Variants in KBTBD2 observed in about 807,000 individuals in gnomAD.
KBTBD2 encodes the protein kelch repeat and BTB domain containing 2, also known as kelch repeat and BTB domain-containing protein 2.
A neutral mutation model predicts 57.1 loss-of-function variants in KBTBD2; 17 were observed. The ratio of observed to expected loss-of-function variants is 0.30; its 90% CI spans 0.20 to 0.45. KBTBD2 has a LOEUF of 0.45. Ranked by LOEUF, KBTBD2 falls within the 20% of genes least tolerant of loss-of-function variation. The pLI, the probability that KBTBD2 is intolerant of heterozygous loss-of-function variation, is 1.00. For missense variants in KBTBD2, 515 were observed against 750.6 expected (o/e 0.69, Z 3.67); for synonymous variants, 267 against 262.7 (o/e 1.02, Z -0.16).
At position 32,879,464 on chromosome 7, in the gene KBTBD2, C is replaced by A; in HGVS notation, c.141G>T (p.Met47Ile). The A allele has an allele frequency of 1.2e-6, 2 of 1,612,112 alleles. No individual in the cohort carries two copies. The highest frequency in any genetic ancestry group is 1.7e-6 in the Non-Finnish European group (2 of 1,178,682). The change falls in exon 2 of 4, where the codon ATG becomes ATT. Residue 47 changes from methionine (M) to isoleucine (I), a missense_variant. Coordinates refer to ENST00000304056, the MANE Select transcript of KBTBD2 (RefSeq NM_015483.3). ...VEGTEFPCHKMVLATCSSYFR... is the reference protein window; with the variant it reads ...VEGTEFPCHKIVLATCSSYFR... ...AATAAGAGCTACATGTTGCAAGAAC[C>A]ATCTTATGACAAGGGAATTCAGTGC... is the stretch of plus-strand genomic sequence containing the variant.
rs1048889011 is a variant in KBTBD2, at chr7:32,891,604, G to A, written c.-407C>T. On this transcript the variant is annotated 5_prime_UTR_variant, in exon 1 of 4. Coordinates refer to ENST00000304056, the MANE Select transcript of KBTBD2 (RefSeq NM_015483.3). ...GGCCCCGTCCACACTGGGCCCCTCCGGCGCGGCGGCGGGGGCGTGGCCCTC... is the reference window on the plus strand; with the variant it reads ...GGCCCCGTCCACACTGGGCCCCTCCAGCGCGGCGGCGGGGGCGTGGCCCTC... The A allele has an allele frequency of 6.7e-6, 1 of 149,572 alleles. No individual in the cohort carries two copies. Among genetic ancestry groups the A allele is most frequent in the Non-Finnish European group, 1.5e-5 (1 of 67,074 alleles). 9.3% of individuals were successfully genotyped at this position (149,572 alleles called of 1,614,324 possible).
At chr7:32,876,983 C>G (rs1383375689) in intron 2 of KBTBD2, among the ~76,000 whole-genome samples, 1 of 152,002 alleles carries the variant, frequency 6.6e-6, no homozygotes, top group Non-Finnish European at 1.5e-5. Flanking sequence ...AACAGACAAA[C>G]AAAACCCACT....
intron 1 of KBTBD2, among the ~76,000 whole-genome samples, chr7:32,886,147 T>C (rs1784576403): frequency 6.6e-6 from 1 of 152,090 alleles, no homozygotes; most frequent in East Asian, 1.9e-4. Flanking sequence ...TGACCTCAGG[T>C]GATCTGCCTG....
intron 1 of KBTBD2, among the ~76,000 whole-genome samples, chr7:32,887,422 G>A (rs1412720654): frequency 1.3e-5 from 2 of 152,108 alleles, no homozygotes; most frequent in African/African-American, 2.4e-5. Flanking sequence ...TACATGAGGT[G>A]ACAGATGTAA....
chr7:32,869,134 GAATA>G lies in KBTBD2; in HGVS notation c.*207_*210del. 1 of 473,590 alleles carries G rather than the reference GAATA, an allele frequency of 2.1e-6. No individual in the cohort carries two copies. The highest frequency in any genetic ancestry group is 3.5e-5 in the East Asian group (1 of 28,422). 29.3% of individuals were successfully genotyped at this position (473,590 alleles called of 1,614,324 possible). A position where few individuals can be genotyped will look rare whatever the true frequency, so the allele number is the denominator to read the frequency against. On this transcript the variant is annotated 3_prime_UTR_variant, in exon 4 of 4. Coordinates refer to ENST00000304056, the MANE Select transcript of KBTBD2 (RefSeq NM_015483.3). ...TTACACATAAAGTTTCTCAATTATT[GAATA>G]ATCTATTTCATATTATGGAAGCATA...
chr7:32,878,163 A>G (rs1784359764), intron 2 of KBTBD2, among the ~76,000 whole-genome samples: 1 of 152,006 alleles, frequency 6.6e-6, no homozygotes, highest in Non-Finnish European at 1.5e-5. Flanking sequence ...CTGGTGTTTG[A>G]GCCTTAGCTT....
At chr7:32,875,744 A>G (rs1784297500) in intron 2 of KBTBD2, among the ~76,000 whole-genome samples, 1 of 152,234 alleles carries the variant, frequency 6.6e-6, no homozygotes, top group African/African-American at 2.4e-5. Context: ...ATATACTTTA[A>G]CATAAATGAA....
chr7:32,890,669 A>G (rs1002337362), intron 1 of KBTBD2, among the ~76,000 whole-genome samples: 4 of 152,228 alleles, frequency 2.6e-5, no homozygotes, highest in African/African-American at 9.6e-5. Context: ...CTACGTCTTC[A>G]TAAGGCTAAT....
chr7:32,889,543 G>A (rs1166201649), intron 1 of KBTBD2, among the ~76,000 whole-genome samples: 3 of 152,284 alleles, frequency 2.0e-5, no homozygotes, highest in Non-Finnish European at 4.4e-5. Flanking sequence ...GGAGGTTGCA[G>A]TGAGCCGAGA....
chr7:32,891,874 GC>G (rs1314134112), upstream of KBTBD2: 13 of 94,262 alleles, frequency 1.4e-4, no homozygotes, highest in Non-Finnish European at 8.2e-5. Context: ...GAGACGCCGG[GC>G]CCGCCGCCCC....
chr7:32,890,090 C>T (rs921910869), intron 1 of KBTBD2, among the ~76,000 whole-genome samples: 20 of 111,950 alleles, frequency 1.8e-4, no homozygotes, highest in African/African-American at 2.5e-4. Context: ...TTACAGCACT[C>T]ATAAAGTCTT....
chr7:32,883,363 G>C (rs1361326798), intron 1 of KBTBD2, among the ~76,000 whole-genome samples: 1 of 152,034 alleles, frequency 6.6e-6, no homozygotes. Flanking sequence ...TTCCAGCCTG[G>C]GCAACACAGC....
At chr7:32,874,401 AAAAAATAAATAAAT>A (rs1382065493) in intron 3 of KBTBD2, 4 of 151,778 alleles carry the variant, frequency 2.6e-5, no homozygotes, top group African/African-American at 7.3e-5. Flanking sequence ...CTCCGTCTCA[AAAAAATAAATAAAT>A]AAAAATAAAT....
At chr7:32,891,893 C>CCCGCCGCCCCCG (rs1368264288), upstream of KBTBD2, 213 of 110,744 alleles carry the variant, frequency 1.9e-3, 4 homozygotes, top group East Asian at 0.022. Context: ...CCCCGCCGCC[C>CCCGCCGCCCCCG]CCGCCCCCGC....
At chr7:32,874,809 T>C in intron 3 of KBTBD2, 183 bp downstream of exon 3, 2 of 467,334 alleles carry the variant, frequency 4.3e-6, no homozygotes, top group South Asian at 2.7e-5. Context: ...CTGACCAACA[T>C]GGTGAAACCC....
intron 3 of KBTBD2, 89 bp downstream of exon 3, chr7:32,874,903 G>A (rs1477496942): frequency 1.3e-5 from 13 of 1,028,758 alleles, no homozygotes; most frequent in Admixed American, 6.6e-5. Flanking sequence ...CCTGGGAGGC[G>A]GAGGTTGCAG....
At position 32,869,957 on chromosome 7, in the gene KBTBD2, T is replaced by C. The variant is rs746313487; in HGVS notation, c.1260A>G (p.Gln420=). ...TMVSPLPCAW[Q]WSAAVVVHDC... Reference sequence around the variant, plus strand: ...CATGAACCACAACTGCTGCACTCCATTGCCAAGCACAAGGTAAAGGGCTTA... The same window carrying C: ...CATGAACCACAACTGCTGCACTCCACTGCCAAGCACAAGGTAAAGGGCTTA... The change falls in exon 4 of 4, where the codon CAA becomes CAG. Residue 420 remains glutamine (Q), a synonymous_variant. Coordinates refer to ENST00000304056, the MANE Select transcript of KBTBD2 (RefSeq NM_015483.3). The C allele has an allele frequency of 3.7e-6, 6 of 1,614,048 alleles. No homozygotes were observed. The highest frequency in any genetic ancestry group is 5.1e-6 in the Non-Finnish European group (6 of 1,180,012).
intron 3 of KBTBD2, among the ~76,000 whole-genome samples, chr7:32,872,819 T>C (rs1463486378): frequency 2.6e-5 from 4 of 152,224 alleles, no homozygotes; most frequent in African/African-American, 7.2e-5. Flanking sequence ...GATGTAAATC[T>C]AACATATAAT....
In KBTBD2 at chr7:32,870,904, A is replaced by AC. The variant is rs200451147; in HGVS notation, c.337-25dup. ...ACCTAGAATGAGAAGGAAAAAAAAAACAGGCTGATAGGGCCAGGACAGACA... is the reference window on the plus strand; with the variant it reads ...ACCTAGAATGAGAAGGAAAAAAAAAACCAGGCTGATAGGGCCAGGACAGACA... On this transcript the variant is annotated intron_variant, in intron 3 of 3. Coordinates refer to ENST00000304056, the MANE Select transcript of KBTBD2 (RefSeq NM_015483.3). 67 of 1,419,156 alleles carry AC rather than the reference A, an allele frequency of 4.7e-5. 1 individual carries two copies. In the East Asian group the frequency reaches 1.5e-3, roughly 32 times the overall value. 87.9% of individuals were successfully genotyped at this position (1,419,156 alleles called of 1,614,324 possible). A position where few individuals can be genotyped will look rare whatever the true frequency, so the allele number is the denominator to read the frequency against.
Sources: gnomAD v4.1 joint callset for allele counts (sites outside exome capture counted in the v4.1 genomes callset) on GRCh38, gnomAD v4.1.1 for gene constraint, MANE v1.5 for transcripts, NCBI Gene and HGNC (gene_info 2026-07-23, HGNC 2026-07-21) for gene names.